ARNT: variants seen among roughly 807,000 people sequenced by gnomAD.
ARNT encodes the protein class E basic helix-loop-helix protein 2.
ARNT carries 30 observed loss-of-function variants against 105.0 expected under a neutral mutation model. The observed-to-expected ratio is 0.29, with a 90% CI of 0.21 to 0.39. The LOEUF (loss-of-function observed/expected upper bound fraction) is 0.39. Ranked by LOEUF, ARNT falls within the 10% of genes least tolerant of loss-of-function variation. The pLI is 1.00. For synonymous variants in ARNT, 304 were observed against 344.0 expected (o/e 0.88, Z 1.29); for missense variants, 748 against 978.7 (o/e 0.76, Z 3.15).
chr1:150,851,286 G>A (rs1438241209), intron 3 of ARNT, among the ~76,000 whole-genome samples: 3 of 149,260 alleles, frequency 2.0e-5, no homozygotes, highest in Non-Finnish European at 4.4e-5. Flanking sequence ...GAGGTGGGGG[G>A]CGCCTCTGCC....
rs980919328 is a variant in ARNT at position 150,842,555 on chromosome 1, G to A, written c.228-87C>T. 4 of 1,111,136 alleles carry A rather than the reference G, an allele frequency of 3.6e-6. No individual in the cohort carries two copies. The Admixed American group carries it at 6.3e-5, about 18-fold the overall frequency. 68.8% of individuals were successfully genotyped at this position (1,111,136 alleles called of 1,614,324 possible). A position where few individuals can be genotyped will look rare whatever the true frequency, so the allele number is the denominator to read the frequency against. On this transcript the variant is annotated intron_variant, in intron 4 of 21. Transcript: ENST00000358595. The stretch of plus-strand genomic sequence containing the variant: ...AGGGAGGAAGGGAAAAAAGGAAGGA[G>A]GGAGGGAGAGGAAATGGAGGGAGAA...
intron 2 of ARNT, among the ~76,000 whole-genome samples, chr1:150,854,649 G>C (rs899717872): frequency 2.0e-5 from 3 of 152,048 alleles, no homozygotes; most frequent in Non-Finnish European, 2.9e-5. Context: ...TTGAGGTCAG[G>C]AGTTCAAGAC....
In ARNT at chr1:150,823,183, A is replaced by G. The variant is rs1248628399; in HGVS notation, c.1394+11T>C. The G allele has an allele frequency of 6.3e-7, 1 of 1,599,888 alleles. No homozygotes were observed. The highest frequency in any genetic ancestry group is 1.7e-5 in the Admixed American group (1 of 59,224). ...AAAAACAGTTTTTTCACACTCCTGT[A>G]TAATACATACTTCACATTGGTGTTG... On this transcript the variant is annotated intron_variant, in intron 14 of 21. Transcript: ENST00000358595.
chr1:150,819,522 T>C (rs779675517), intron 14 of ARNT, among the ~76,000 whole-genome samples: 8 of 152,206 alleles, frequency 5.3e-5, no homozygotes, highest in Non-Finnish European at 7.3e-5. Context: ...CAAATGTCCA[T>C]TAACGAACAT....
intron 11 of ARNT, chr1:150,829,610 AG>A: frequency 1.8e-6 from 1 of 565,706 alleles, no homozygotes; most frequent in South Asian, 1.7e-5. Context: ...TACAATGAAA[AG>A]GATCTTTCTT....
intron 1 of ARNT, among the ~76,000 whole-genome samples, chr1:150,862,566 A>G (rs898240444): frequency 7.7e-6 from 1 of 130,122 alleles, no homozygotes; most frequent in Non-Finnish European, 1.8e-5. Flanking sequence ...AAGAAAAAAC[A>G]CTTTTTCCAT....
intron 2 of ARNT, among the ~76,000 whole-genome samples, chr1:150,858,092 G>A (rs1485770595): frequency 1.3e-5 from 2 of 152,032 alleles, no homozygotes; most frequent in African/African-American, 4.8e-5. Flanking sequence ...TAAAATCTCT[G>A]GGCTTAGCTA....
At chr1:150,858,616 A>ATT (rs113986128) in intron 1 of ARNT, among the ~76,000 whole-genome samples, 156 bp from the exon 2 acceptor site, 237 of 137,936 alleles carry the variant, frequency 1.7e-3, no homozygotes, top group South Asian at 3.5e-3. Context: ...GCTCTTCTTG[A>ATT]TTTTTTTTTT....
At chr1:150,836,861 C>T (rs894787341) in intron 6 of ARNT, among the ~76,000 whole-genome samples, 13 of 151,972 alleles carry the variant, frequency 8.6e-5, no homozygotes, top group Non-Finnish European at 1.0e-4. Context: ...GGCAATGGGG[C>T]GAAACTCCAT....
At chr1:150,844,393 C>T (rs1323140449) in intron 4 of ARNT, among the ~76,000 whole-genome samples, 2 of 152,074 alleles carry the variant, frequency 1.3e-5, no homozygotes, top group African/African-American at 2.4e-5. Flanking sequence ...GAGAAATATC[C>T]CTACAATGCA....
At chr1:150,849,301 T>C (rs1309982011) in intron 3 of ARNT, among the ~76,000 whole-genome samples, 4 of 152,146 alleles carry the variant, frequency 2.6e-5, no homozygotes, top group Non-Finnish European at 5.9e-5. Context: ...TATCAAATTG[T>C]CTGTTACTCA....
At chr1:150,816,197 C>A (rs147474918) in intron 19 of ARNT, 62 bp downstream of exon 19, 3 of 1,531,600 alleles carry the variant, frequency 2.0e-6, no homozygotes, top group Admixed American at 2.3e-5. Flanking sequence ...ATTTTACATA[C>A]GGAAAAAAGC....
At chr1:150,816,679 TC>T in intron 18 of ARNT, 108 bp downstream of exon 18, 1 of 1,316,272 alleles carries the variant, frequency 7.6e-7, no homozygotes, top group Non-Finnish European at 1.0e-6. Context: ...CCTACAAGCT[TC>T]ACTGCTTTTT....
At chr1:150,867,952 A>C (rs1442957928) in intron 1 of ARNT, among the ~76,000 whole-genome samples, 1 of 152,084 alleles carries the variant, frequency 6.6e-6, no homozygotes, top group African/African-American at 2.4e-5. Context: ...AGCCTGCGGA[A>C]CTATGAGTCA....
chr1:150,847,550 G>A (rs1005685773), intron 3 of ARNT, among the ~76,000 whole-genome samples: 3 of 151,676 alleles, frequency 2.0e-5, no homozygotes, highest in Non-Finnish European at 2.9e-5. Context: ...AAGGACAAAC[G>A]AACCTCTCTT....
chr1:150,835,771 A>C (rs1660207188), intron 7 of ARNT, among the ~76,000 whole-genome samples: 1 of 152,128 alleles, frequency 6.6e-6, no homozygotes, highest in South Asian at 2.1e-4. Flanking sequence ...ACTCTGGCCA[A>C]AAGACTGAAC....
chr1:150,844,912 C>A (rs1357470472), intron 4 of ARNT, among the ~76,000 whole-genome samples: 1 of 151,744 alleles, frequency 6.6e-6, no homozygotes, highest in Non-Finnish European at 1.5e-5. Context: ...CGGGCTCATG[C>A]AATTCTCATG....
At chr1:150,826,477 G>A (rs1658291804) in intron 13 of ARNT, 66 bp downstream of exon 13, 5 of 1,278,754 alleles carry the variant, frequency 3.9e-6, no homozygotes, top group Non-Finnish European at 5.7e-6. Flanking sequence ...CAGTTAATCA[G>A]TAGTCAATAT....
intron 1 of ARNT, among the ~76,000 whole-genome samples, chr1:150,873,769 A>G (rs1016459822): frequency 6.6e-6 from 1 of 152,034 alleles, no homozygotes; most frequent in African/African-American, 2.4e-5. Flanking sequence ...AAGTTAAAAA[A>G]TGTATCCAGG....
Sources: allele counts gnomAD v4.1 joint callset (sites outside exome capture counted in the v4.1 genomes callset), GRCh38; gene constraint gnomAD v4.1.1; transcripts MANE v1.5; gene names NCBI Gene and HGNC (gene_info 2026-07-23, HGNC 2026-07-21).